NAA15: variants seen among roughly 807,000 people sequenced by gnomAD.
The protein encoded by NAA15 is N-terminal acetyltransferase.
NAA15 carries 34 observed loss-of-function variants against 114.0 expected under a neutral mutation model. The ratio of observed to expected loss-of-function variants is 0.30; its 90% CI spans 0.23 to 0.40. The LOEUF (loss-of-function observed/expected upper bound fraction) is 0.40. Ranked by LOEUF, NAA15 falls within the 10% of genes least tolerant of loss-of-function variation. NAA15 has a pLI of 1.00. For synonymous variants in NAA15, 340 were observed against 338.0 expected, an observed-to-expected ratio of 1.01 and a Z score of -0.06; for missense variants, 658 against 1,004.5, an observed-to-expected ratio of 0.66 and a Z score of 4.66.
chr4:139,317,940 T>G (rs1746469050), intron 1 of NAA15, among the ~76,000 whole-genome samples: 1 of 152,228 alleles, frequency 6.6e-6, no homozygotes, highest in Non-Finnish European at 1.5e-5. Flanking sequence ...TTTAATGTTC[T>G]TTCTTCAAGT....
chr4:139,352,932 TG>T (rs1312526890), intron 9 of NAA15, among the ~76,000 whole-genome samples: 1 of 152,080 alleles, frequency 6.6e-6, no homozygotes, highest in Non-Finnish European at 1.5e-5. Flanking sequence ...CCTCCCAAAG[TG>T]CTGGGATTAC....
At chr4:139,313,297 T>C (rs1047139323) in intron 1 of NAA15, among the ~76,000 whole-genome samples, 7 of 151,952 alleles carry the variant, frequency 4.6e-5, no homozygotes, top group African/African-American at 1.5e-4. Flanking sequence ...AAAATGTTAC[T>C]CTATTTTTCA....
intron 9 of NAA15, 28 bp from the exon 10 acceptor site, chr4:139,353,998 A>G (rs780795107): frequency 7.0e-6 from 11 of 1,569,676 alleles, no homozygotes; most frequent in South Asian, 1.1e-5. Flanking sequence ...TTTTTCTATT[A>G]AAGTGTGTTT....
chr4:139,370,441 T>C (rs1237917730), intron 15 of NAA15, 37 bp downstream of exon 15: 1 of 1,489,908 alleles, frequency 6.7e-7, no homozygotes, highest in South Asian at 1.5e-5. Context: ...TTGAGTGACA[T>C]TTTATGACCA....
At chr4:139,338,471 G>A (rs1747272766) in intron 3 of NAA15, among the ~76,000 whole-genome samples, 1 of 151,920 alleles carries the variant, frequency 6.6e-6, no homozygotes, top group Non-Finnish European at 1.5e-5. Context: ...TTTTTAGATG[G>A]AGTTTTGATC....
Position 139,349,601 on chromosome 4 carries a change from A to G in NAA15, c.811+20A>G. The G allele has an allele frequency of 1.3e-6, 2 of 1,581,700 alleles. No homozygotes were observed. Among genetic ancestry groups the G allele is most frequent in the Non-Finnish European group, 1.7e-6 (2 of 1,168,740 alleles). ...AGCCAGGTAGTATTGTTTAAAACTT[A>G]CTAAGTTTTATTGTTTCTTTTGTTA... On this transcript the variant is annotated intron_variant, in intron 7 of 19. Transcript: ENST00000296543.
intron 17 of NAA15, among the ~76,000 whole-genome samples, chr4:139,382,510 A>G (rs1185496949): frequency 6.6e-6 from 1 of 152,136 alleles, no homozygotes; most frequent in Non-Finnish European, 1.5e-5. Context: ...TATTTTTTAC[A>G]TGTAAAGTAT....
chr4:139,318,800 G>T (rs1746500297), intron 1 of NAA15, among the ~76,000 whole-genome samples: 1 of 151,700 alleles, frequency 6.6e-6, no homozygotes, highest in Non-Finnish European at 1.5e-5. Context: ...GTTGCAGTGA[G>T]CCAAGATCGC....
Position 139,361,728 on chromosome 4 carries a change from T to G in NAA15, c.1544T>G (p.Phe515Cys). The stretch of plus-strand genomic sequence containing the variant: ...ATAAAAAGATAATTTTGTTAGCATT[T>G]TATAGAAATCACTGATGACCAGTTT... ...LKKCHEIERH[F>C]IEITDDQFDF... Residue 515 changes from phenylalanine to cysteine, a missense_variant, in exon 14 of 20, where the codon TTT (phenylalanine) becomes TGT (cysteine). Physicochemically the swap from Phe to Cys is radical, Grantham distance 205. This residue lies in a region of NAA15 where 281 missense variants were observed against 389.1 expected (regional missense o/e 0.72). Coordinates refer to ENST00000296543, the MANE Select transcript of NAA15 (RefSeq NM_057175.5). The G allele has an allele frequency of 6.4e-7, 1 of 1,571,224 alleles. No homozygotes were observed. The highest frequency in any genetic ancestry group is 1.2e-5 in the South Asian group (1 of 82,746).
intron 1 of NAA15, among the ~76,000 whole-genome samples, chr4:139,325,970 C>T (rs916264919): frequency 6.6e-6 from 1 of 152,166 alleles, no homozygotes; most frequent in Non-Finnish European, 1.5e-5. Context: ...TGTATAGGTT[C>T]ACATAAGTAT....
chr4:139,382,105 C>G (rs1748770383), intron 17 of NAA15, among the ~76,000 whole-genome samples: 1 of 152,116 alleles, frequency 6.6e-6, no homozygotes, highest in Non-Finnish European at 1.5e-5. Context: ...ATCTGATAAT[C>G]TGTGACATAT....
chr4:139,356,655 T>C (rs1378235537), intron 10 of NAA15: 3 of 152,180 alleles, frequency 2.0e-5, no homozygotes, highest in African/African-American at 7.2e-5. Flanking sequence ...TAAAAAGCAA[T>C]CTGTTGCTTT....
chr4:139,348,516 T>C (rs1450646730), intron 6 of NAA15, among the ~76,000 whole-genome samples: 1 of 151,102 alleles, frequency 6.6e-6, no homozygotes, highest in Non-Finnish European at 1.5e-5. Context: ...ATTTTTATTA[T>C]CAAATGAGAG....
At chr4:139,342,775 T>C in intron 4 of NAA15, 51 bp from the exon 5 acceptor site, 1 of 1,568,130 alleles carries the variant, frequency 6.4e-7, no homozygotes, top group Non-Finnish European at 8.7e-7. Flanking sequence ...AAAGGAGCAC[T>C]TGCTGTTACT....
intron 14 of NAA15, among the ~76,000 whole-genome samples, chr4:139,366,472 C>T (rs917305790): frequency 2.6e-5 from 4 of 152,226 alleles, no homozygotes; most frequent in Non-Finnish European, 4.4e-5. Flanking sequence ...CCTTCACATT[C>T]TAATTGGTCA....
intron 10 of NAA15, among the ~76,000 whole-genome samples, chr4:139,355,655 C>T (rs1161344571): frequency 6.6e-6 from 1 of 152,096 alleles, no homozygotes; most frequent in Non-Finnish European, 1.5e-5. Context: ...CTAATGCCTA[C>T]CATGTTGGAA....
At chr4:139,301,927 C>T (rs1745776172) in intron 1 of NAA15, 96 bp downstream of exon 1, 1 of 1,318,370 alleles carries the variant, frequency 7.6e-7, no homozygotes, top group East Asian at 2.7e-5. Flanking sequence ...GAGCCACTCC[C>T]GCCCGGGACC....
At chr4:139,357,223 C>A (rs1027689849) in intron 10 of NAA15, among the ~76,000 whole-genome samples, 163 bp from the exon 11 acceptor site, 4 of 152,128 alleles carry the variant, frequency 2.6e-5, no homozygotes, top group Non-Finnish European at 5.9e-5. Context: ...AAAATATGGA[C>A]CTTTCCAAAG....
chr4:139,322,206 TG>T (rs1425826137), intron 1 of NAA15, among the ~76,000 whole-genome samples: 1 of 152,130 alleles, frequency 6.6e-6, no homozygotes, highest in Non-Finnish European at 1.5e-5. Flanking sequence ...AATTGAATCA[TG>T]GGGGAGGGTC....
Sources: gnomAD v4.1 joint callset for allele counts (sites outside exome capture counted in the v4.1 genomes callset) on GRCh38, gnomAD v4.1.1 for gene constraint, gnomAD v4.1.1 regional missense constraint, MANE v1.5 for transcripts, NCBI Gene and HGNC (gene_info 2026-07-23, HGNC 2026-07-21) for gene names.